Variants in TTN observed in about 807,000 individuals in gnomAD.
TTN encodes connectin.
Under a neutral mutation model 3,223.0 loss-of-function variants are expected in TTN, and 1,525 were observed. The ratio of observed to expected loss-of-function variants is 0.47; its 90% confidence interval spans 0.45 to 0.49. The LOEUF (loss-of-function observed/expected upper bound fraction) is 0.49, where lower values mean the gene tolerates loss of function less well. TTN is among the 20% of genes least tolerant of loss of function. TTN has a pLI of 0.00. For missense variants in TTN, 40,786 were observed against 43,424.0 expected (o/e 0.94, Z 5.40); for synonymous variants, 14,094 against 15,161.0 (o/e 0.93, Z 5.17).
At chr2:178,683,382 A>G in intron 133 of TTN, 91 bp from the exon 134 acceptor site, 1 of 734,302 alleles carries the variant, frequency 1.4e-6, no homozygotes, top group African/African-American at 1.8e-5. Context: ...AAGGACAAAG[A>G]CAACCATAAC....
At position 178,527,495 on chromosome 2, in the gene TTN, CAT is replaced by C. The variant is rs1459974564; in HGVS notation, c.107629_107630del (p.Met35877AspfsTer8). ...SSSSFMGISN[M>X]TQLESSTSKM... Reference sequence around the variant, plus strand: ...TACTAGTTGAGCTTTCCAGTTGTGTCATATTAGATATTCCCATAAAGCTGCTG... The same window carrying C: ...TACTAGTTGAGCTTTCCAGTTGTGTCATTAGATATTCCCATAAAGCTGCTG... On this transcript the variant is annotated frameshift_variant, in exon 362 of 363. Coordinates refer to ENST00000589042, the MANE Select transcript of TTN (RefSeq NM_001267550.2). LOFTEE classifies it high-confidence loss of function. 1.2e-6 allele frequency: 2 copies of C among 1,613,836 alleles called. No homozygotes were observed. The highest frequency in any genetic ancestry group is 1.7e-6 in the Non-Finnish European group (2 of 1,179,864).
At position 178,757,697 on chromosome 2, in the gene TTN, G is replaced by T. The variant is rs397517823; in HGVS notation, c.10523C>A (p.Thr3508Lys). 1 of 1,613,680 alleles carries T rather than the reference G, an allele frequency of 6.2e-7. No homozygotes were observed. The highest frequency in any genetic ancestry group is 8.5e-7 in the Non-Finnish European group (1 of 1,179,792). ...WFHNQQLILP[T>K]KDVVFHFEES... ...CTCAAAATGGAAAACTACATCTTTT[G>T]TTGGTAGAATTAGCTGCTGGTTATG... Residue 3508 changes from threonine to lysine, a missense_variant, in exon 45 of 363, where the codon ACA (threonine) becomes AAA (lysine). Transcript: ENST00000589042.
Position 178,598,878 on chromosome 2 carries a change from C to T in TTN, c.56832G>A (p.Leu18944=). 6.2e-7 allele frequency: 1 copy of T among 1,613,206 alleles called. No homozygotes were observed. The highest frequency in any genetic ancestry group is 1.1e-5 in the South Asian group (1 of 91,042). Residue 18944 remains leucine (L), a synonymous_variant, in exon 291 of 363, where the codon TTG becomes TTA. Transcript: ENST00000589042. Reference sequence around the variant, plus strand: ...GACCAGTCACTTTATAAGAAACACCCAAAGTCATGGCTTTGATAGGATCTC... The same window carrying T: ...GACCAGTCACTTTATAAGAAACACCTAAAGTCATGGCTTTGATAGGATCTC... ...VNRDPIKAMT[L]GVSYKVTGLI...
intron 349 of TTN, 29 bp downstream of exon 349, chr2:178,542,235 G>A: frequency 6.3e-7 from 1 of 1,581,428 alleles, no homozygotes; most frequent in Non-Finnish European, 8.6e-7. Context: ...CAGAGGTGGG[G>A]AGAGTGGTGG....
intron 1 of TTN, 50 bp from the exon 2 acceptor site, chr2:178,804,705 T>C: frequency 6.4e-7 from 1 of 1,554,178 alleles, no homozygotes; most frequent in Non-Finnish European, 8.8e-7. Flanking sequence ...AGGGTCACTC[T>C]GGAGCTGCTT....
Position 178,663,522 on chromosome 2 carries a change from A to T in TTN, c.36533-6T>A. 1 of 1,613,432 alleles carries T rather than the reference A, an allele frequency of 6.2e-7. No homozygotes were observed. The highest frequency in any genetic ancestry group is 8.5e-7 in the Non-Finnish European group (1 of 1,179,704). ...TTCTTTGGGAGCCTCAGGCACTTGAAAGATATTAGTGAAATTACATTTAGG... is the reference window on the plus strand; with the variant it reads ...TTCTTTGGGAGCCTCAGGCACTTGATAGATATTAGTGAAATTACATTTAGG... On this transcript the variant is annotated splice_polypyrimidine_tract_variant and splice_region_variant and intron_variant, in intron 171 of 362. Coordinates refer to ENST00000589042, the MANE Select transcript of TTN (RefSeq NM_001267550.2).
In TTN at chr2:178,560,746, G is replaced by A; in HGVS notation, c.85386C>T (p.Gly28462=). ...GPPAGPLEIN[G]LTAEKCSLSW... The stretch of plus-strand genomic sequence containing the variant: ...AAAGAGAGCATTTCTCAGCAGTGAG[G>A]CCATTTATTTCAAGTGGTCCTGCTG... Residue 28462 remains glycine (G), a synonymous_variant, in exon 326 of 363, where the codon GGC becomes GGT. Transcript: ENST00000589042. The A allele has an allele frequency of 6.2e-7, 1 of 1,613,738 alleles. No individual in the cohort carries two copies. Among genetic ancestry groups the A allele is most frequent in the Non-Finnish European group, 8.5e-7 (1 of 1,179,816 alleles).
In TTN at chr2:178,734,338, G is replaced by T; in HGVS notation, c.15486C>A (p.His5162Gln). The change falls in exon 52 of 363, where the codon CAC (histidine) becomes CAA (glutamine). Residue 5162 changes from histidine (H) to glutamine (Q), a missense_variant. Transcript: ENST00000589042. ...EVGKCGCMAT[H>Q]LLKEPPTFVK... ...TTTTCAAGCACTAACCTTTGAGTAA[G>T]TGGGTTGCCATGCAGCCACACTTGC... 1 of 1,594,866 alleles carries T rather than the reference G, an allele frequency of 6.3e-7. No individual in the cohort carries two copies. Among genetic ancestry groups the T allele is most frequent in the Non-Finnish European group, 8.6e-7 (1 of 1,168,706 alleles).
At chr2:178,718,291 G>A in intron 85 of TTN, 31 bp downstream of exon 85, 2 of 1,602,600 alleles carry the variant, frequency 1.2e-6, no homozygotes, top group East Asian at 2.2e-5. Context: ...AAAAGAAAGA[G>A]AGCAATAAAA....
intron 240 of TTN, among the ~76,000 whole-genome samples, chr2:178,625,859 G>T (rs1352786484): frequency 6.6e-6 from 1 of 151,948 alleles, no homozygotes; most frequent in African/African-American, 2.4e-5. Flanking sequence ...TATGCAGTTT[G>T]GGATCTTTCA....
Position 178,636,400 on chromosome 2 carries a change from T to C in TTN, c.41327A>G (p.Glu13776Gly). ...EKTSTAKLVV[E>G]ELPVRFVKTL... ...ATGTTCAGAAGACTAGAAATTACCT[T>C]CTACAACAAGTTTAGCCGTGGAGGT... is the stretch of plus-strand genomic sequence containing the variant. The change falls in exon 225 of 363, where the codon GAA becomes GGA. Residue 13776 changes from glutamate (E) to glycine (G), a missense_variant and splice_region_variant. Glu to Gly is a moderately conservative substitution (Grantham distance 98). Transcript: ENST00000589042. This position sits in a 1 kb window ranked among gnomAD's most constrained non-coding sequence, Gnocchi z 4.3. 6.2e-7 allele frequency: 1 copy of C among 1,601,406 alleles called. No homozygotes were observed. The highest frequency in any genetic ancestry group is 8.5e-7 in the Non-Finnish European group (1 of 1,173,256).
Position 178,534,664 on chromosome 2 carries a change from G to C in TTN, c.101951C>G (p.Pro33984Arg). The C allele has an allele frequency of 6.2e-7, 1 of 1,613,728 alleles. No individual in the cohort carries two copies. Among genetic ancestry groups the C allele is most frequent in the Non-Finnish European group, 8.5e-7 (1 of 1,179,718 alleles). The stretch of plus-strand genomic sequence containing the variant: ...GACAACATCATGCTGGTGGACTTCA[G>C]GTGCATAGTATTCTGGGGCAGTGAA... ...LLFTAPEYYA[P>R]EVHQHDVVST... The change falls in exon 358 of 363, where the codon CCT becomes CGT. Residue 33984 changes from proline (P) to arginine (R), a missense_variant. Transcript: ENST00000589042.
In TTN at chr2:178,558,678, C is replaced by T. The variant is rs752596437; in HGVS notation, c.86822-41G>A. ...ATCAAAAGAAAGTGAATAATTATTA[C>T]AGCACTTTTAAATGTGCACTCTTCA... On this transcript the variant is annotated intron_variant, in intron 326 of 362. Transcript: ENST00000589042. 8 of 1,580,998 alleles carry T rather than the reference C, an allele frequency of 5.1e-6. No homozygotes were observed. In the African/African-American group the frequency reaches 8.1e-5, roughly 16 times the overall value.
chr2:178,606,907 C>CT, intron 278 of TTN, 114 bp downstream of exon 278: 2 of 1,183,982 alleles, frequency 1.7e-6, no homozygotes, highest in Non-Finnish European at 2.3e-6. Context: ...TTTCTTATTA[C>CT]TCTTTAGCTA....
Position 178,553,794 on chromosome 2 carries a change from T to G in TTN, c.89211A>C (p.Pro29737=), listed in dbSNP as rs1406870998. ...AATCTGCGATTCTTATCTTAGCAGG[T>G]GGACCTGGAGGATCTGGAATGGCCA... ...KAADPIDPPG[P]PAKIRIADST... Residue 29737 remains proline (P), a synonymous_variant, in exon 334 of 363, where the codon CCA becomes CCC. Coordinates refer to ENST00000589042, the MANE Select transcript of TTN (RefSeq NM_001267550.2). 6.3e-7 allele frequency: 1 copy of G among 1,597,716 alleles called. No individual in the cohort carries two copies. Among genetic ancestry groups the G allele is most frequent in the South Asian group, 1.1e-5 (1 of 88,082 alleles).
At chr2:178,767,596 T>C (rs2090704102) in intron 40 of TTN, among the ~76,000 whole-genome samples, 163 bp downstream of exon 40, 1 of 152,204 alleles carries the variant, frequency 6.6e-6, no homozygotes, top group Non-Finnish European at 1.5e-5. Context: ...AAACTGTGAC[T>C]AAATTGAGGT....
rs10580462 is a variant in TTN, at chr2:178,647,040, G to GTATATATATA, written c.40222+14_40222+23dup. The GTATATATATA allele has an allele frequency of 4.7e-4, 343 of 731,392 alleles. 1 individual carries two copies. Among genetic ancestry groups the GTATATATATA allele is most frequent in the East Asian group, 3.3e-3 (79 of 24,172 alleles). The allele number at this position is 731,392 out of a possible 1,614,324, so 45.3% of individuals were successfully genotyped here. A position where few individuals can be genotyped will look rare whatever the true frequency, so the allele number is the denominator to read the frequency against. ...GGAATCTTCAGGAGATTAAAAAAAT[G>GTATATATATA]TATATATATATATATATATATACCT... On this transcript the variant is annotated intron_variant, in intron 215 of 362. Transcript: ENST00000589042.
rs769072024 is a variant in TTN, at chr2:178,773,962, G to A, written c.7206C>T (p.His2402=). 14 of 1,613,966 alleles carry A rather than the reference G, an allele frequency of 8.7e-6. No individual in the cohort carries two copies. In the South Asian group the frequency reaches 1.5e-4, roughly 18 times the overall value. ...TATGAGATTGTTTGTCTATCACAAT[G>A]TGAACCCTGTCACTGGGCTGCACTT... ...GQEVQPSDRV[H]IVIDKQSHML... Residue 2402 remains histidine (H), a synonymous_variant, in exon 31 of 363, where the codon CAC becomes CAT. Transcript: ENST00000589042.
At chr2:178,682,091 A>G (rs1278580810) in intron 135 of TTN, among the ~76,000 whole-genome samples, 1 of 151,998 alleles carries the variant, frequency 6.6e-6, no homozygotes, top group African/African-American at 2.4e-5. Context: ...AAGTGAAATA[A>G]GATTGATTCA....
Sources: gnomAD v4.1 joint callset for allele counts (sites outside exome capture counted in the v4.1 genomes callset) on GRCh38, gnomAD v4.1.1 for gene constraint, Gnocchi (gnomAD v3.1) non-coding constraint, MANE v1.5 for transcripts, NCBI Gene and HGNC (gene_info 2026-07-23, HGNC 2026-07-21) for gene names.